Variants in FAM227A observed in about 807,000 individuals in gnomAD.
The protein encoded by FAM227A is protein FAM227A.
FAM227A carries 80 observed loss-of-function variants against 74.7 expected under a neutral mutation model. That is an observed-to-expected ratio of 1.07 (90% CI 0.89 to 1.29). The LOEUF (loss-of-function observed/expected upper bound fraction) is 1.29, where lower values mean the gene tolerates loss of function less well. FAM227A is among the 50% of genes most tolerant of loss of function. FAM227A has a pLI of 0.00. For missense variants in FAM227A, 654 were observed against 683.4 expected (o/e 0.96, Z 0.48); for synonymous variants, 237 against 241.8 (o/e 0.98, Z 0.19).
intron 3 of FAM227A, among the ~76,000 whole-genome samples, chr22:38,640,744 A>C (rs189475375): frequency 6.6e-6 from 1 of 152,342 alleles, no homozygotes; most frequent in Admixed American, 6.5e-5. Flanking sequence ...GAGCAGTCAC[A>C]GAGGACTGTC....
chr22:38,633,045 C>T (rs552375483), intron 6 of FAM227A, among the ~76,000 whole-genome samples: 1 of 152,274 alleles, frequency 6.6e-6, no homozygotes, highest in Non-Finnish European at 1.5e-5. Context: ...AGGCTTTTGT[C>T]CTTGTGGAGC....
chr22:38,599,738 C>T (rs767542297), intron 14 of FAM227A, 26 bp downstream of exon 14: 2 of 1,544,280 alleles, frequency 1.3e-6, no homozygotes, highest in South Asian at 2.4e-5. Flanking sequence ...GAGCAGTGCG[C>T]ACCCTGCCCA....
intron 14 of FAM227A, among the ~76,000 whole-genome samples, chr22:38,598,416 G>A (rs1008591983): frequency 2.6e-5 from 4 of 152,120 alleles, no homozygotes; most frequent in African/African-American, 9.7e-5. Context: ...TCAAATCTAG[G>A]GCTGCATATC....
At chr22:38,646,244 ATTTCTTTTTTT>A (rs2092233165) in intron 2 of FAM227A, among the ~76,000 whole-genome samples, 1 of 89,710 alleles carries the variant, frequency 1.1e-5, no homozygotes, top group African/African-American at 4.5e-5. Flanking sequence ...TCCTTCCAGT[ATTTCTTTTTTT>A]TTTTTTTTTT....
At chr22:38,588,218 G>C (rs1407595447) in intron 16 of FAM227A, among the ~76,000 whole-genome samples, 5 of 152,116 alleles carry the variant, frequency 3.3e-5, no homozygotes, top group African/African-American at 1.2e-4. Context: ...AATTAGGCAA[G>C]AAATGAAAGG....
At chr22:38,594,985 A>G (rs994294328) in intron 15 of FAM227A, among the ~76,000 whole-genome samples, 2 of 151,994 alleles carry the variant, frequency 1.3e-5, no homozygotes, top group African/African-American at 4.8e-5. Flanking sequence ...GTAATCCTAG[A>G]TATTTGGGAG....
chr22:38,626,938 G>T (rs141990422), intron 8 of FAM227A, among the ~76,000 whole-genome samples: 2,043 of 113,214 alleles, frequency 0.018, 16 homozygotes, highest in Admixed American at 0.031. Flanking sequence ...TCTATATATA[G>T]AGAGAGAAAT....
chr22:38,651,907 G>C (rs1189270637), intron 1 of FAM227A, among the ~76,000 whole-genome samples: 2 of 152,076 alleles, frequency 1.3e-5, no homozygotes, highest in African/African-American at 4.8e-5. Flanking sequence ...AACATATTTG[G>C]GCTGGGCGTG....
chr22:38,592,380 C>T lies in FAM227A; in HGVS notation c.1533-840G>A, dbSNP rs141400195. On this transcript the variant is annotated intron_variant, in intron 15 of 16. Transcript: ENST00000535113. ...AATTTATTTATTAAACAAGAGTATCCTTTATTTCTGAAATATATAAGCTAT... is the reference window on the plus strand; with the variant it reads ...AATTTATTTATTAAACAAGAGTATCTTTTATTTCTGAAATATATAAGCTAT... 1.1e-4 allele frequency among the ~76,000 whole-genome samples: 17 copies of T among 152,214 alleles called. No individual in the cohort carries two copies. In the East Asian group the frequency reaches 3.3e-3, roughly 29 times the overall value.
intron 1 of FAM227A, among the ~76,000 whole-genome samples, chr22:38,653,361 C>G (rs2092348292): frequency 6.6e-6 from 1 of 150,438 alleles, no homozygotes; most frequent in Non-Finnish European, 1.5e-5. Context: ...AAATAAAGTG[C>G]ACAATGAATG....
At chr22:38,609,714 C>T (rs376272847) in intron 11 of FAM227A, among the ~76,000 whole-genome samples, 5 of 152,080 alleles carry the variant, frequency 3.3e-5, no homozygotes, top group Admixed American at 6.6e-5. Context: ...GAGGTGGTTG[C>T]AGGGAAAACA....
intron 11 of FAM227A, chr22:38,618,475 G>T (rs1028357746): frequency 2.0e-5 from 3 of 152,098 alleles, no homozygotes; most frequent in African/African-American, 7.2e-5. Flanking sequence ...ATTGCTCTTT[G>T]TTAGGGTGGT....
intron 3 of FAM227A, among the ~76,000 whole-genome samples, chr22:38,645,038 C>G (rs1208727784): frequency 6.7e-6 from 1 of 148,264 alleles, no homozygotes; most frequent in African/African-American, 2.5e-5. Flanking sequence ...AGTGAGCCAA[C>G]ATCGCACCAC....
intron 10 of FAM227A, among the ~76,000 whole-genome samples, chr22:38,621,420 A>T (rs1232268090): frequency 6.6e-6 from 1 of 151,350 alleles, no homozygotes; most frequent in Admixed American, 6.6e-5. Context: ...GTGCATGATG[A>T]CTACAGGGAA....
intron 11 of FAM227A, among the ~76,000 whole-genome samples, chr22:38,613,282 T>C (rs868449738): frequency 4.2e-4 from 34 of 80,996 alleles, no homozygotes; most frequent in African/African-American, 6.4e-4. Flanking sequence ...TTATATATCA[T>C]ATATAATATA....
chr22:38,595,974 G>GCC (rs1569190577), intron 15 of FAM227A, among the ~76,000 whole-genome samples: 6 of 150,722 alleles, frequency 4.0e-5, no homozygotes, highest in Admixed American at 6.6e-5. Flanking sequence ...CTAATAAGGG[G>GCC]GGGGGGGCAG....
Position 38,582,273 on chromosome 22 carries a change from A to G in FAM227A, c.*3852T>C. ...TGTTCTTCAGGAAACTGTATGTTCTAAAACATACATTTCATCATCAATTCA... is the reference window on the plus strand; with the variant it reads ...TGTTCTTCAGGAAACTGTATGTTCTGAAACATACATTTCATCATCAATTCA... On this transcript the variant is annotated 3_prime_UTR_variant, in exon 17 of 17. Coordinates refer to ENST00000535113, the MANE Select transcript of FAM227A (RefSeq NM_001013647.2). The G allele has an allele frequency of 6.9e-7, 1 of 1,447,772 alleles. No individual in the cohort carries two copies. The highest frequency in any genetic ancestry group is 9.4e-7 in the Non-Finnish European group (1 of 1,059,804). The allele number at this position is 1,447,772 out of a possible 1,614,324, so 89.7% of individuals were successfully genotyped here. A position where few individuals can be genotyped will look rare whatever the true frequency, so the allele number is the denominator to read the frequency against.
intron 15 of FAM227A, among the ~76,000 whole-genome samples, chr22:38,594,478 T>C (rs2091001948): frequency 1.3e-5 from 2 of 152,246 alleles, no homozygotes; most frequent in Non-Finnish European, 2.9e-5. Flanking sequence ...GTTGTGACCA[T>C]CTTTCCTTGT....
At chr22:38,597,431 G>T in intron 14 of FAM227A, 75 bp from the exon 15 acceptor site, 3 of 1,416,544 alleles carry the variant, frequency 2.1e-6, no homozygotes, top group Non-Finnish European at 2.9e-6. Context: ...CATGAGCGCA[G>T]TGCATGGGGA....
Sources: allele counts gnomAD v4.1 joint callset (sites outside exome capture counted in the v4.1 genomes callset), GRCh38; gene constraint gnomAD v4.1.1; transcripts MANE v1.5; gene names NCBI Gene and HGNC (gene_info 2026-07-23, HGNC 2026-07-21).